The following NCOA2 variants were observed in gnomAD, a reference collection of about 807,000 sequenced individuals.
The protein encoded by NCOA2 is nuclear receptor coactivator 2, also known as class E basic helix-loop-helix protein 75.
In NCOA2, 21 loss-of-function variants were observed where a neutral mutation model predicts 145.1. The ratio of observed to expected loss-of-function variants is 0.14; its 90% confidence interval spans 0.10 to 0.21. The LOEUF (loss-of-function observed/expected upper bound fraction) is 0.21, where lower values mean the gene tolerates loss of function less well. NCOA2 is among the 10% of genes least tolerant of loss of function. The pLI is 1.00. For missense variants in NCOA2, 1,472 were observed against 1,837.6 expected, an observed-to-expected ratio of 0.80 and a Z score of 3.64; for synonymous variants, 619 against 637.5, an observed-to-expected ratio of 0.97 and a Z score of 0.44.
At chr8:70,240,660 T>C (rs764611068) in intron 2 of NCOA2, among the ~76,000 whole-genome samples, 21 of 152,204 alleles carry the variant, frequency 1.4e-4, no homozygotes, top group Non-Finnish European at 2.2e-4. Flanking sequence ...AGGAGTTACA[T>C]TGCTGTTGAC....
At chr8:70,228,573 A>G (rs1193523094) in intron 2 of NCOA2, among the ~76,000 whole-genome samples, 1 of 152,106 alleles carries the variant, frequency 6.6e-6, no homozygotes, top group East Asian at 1.9e-4. Context: ...GGCATTAAAA[A>G]GATTAAGGAA....
At chr8:70,228,741 G>A (rs1030155585) in intron 2 of NCOA2, among the ~76,000 whole-genome samples, 1 of 152,218 alleles carries the variant, frequency 6.6e-6, no homozygotes, top group South Asian at 2.1e-4. Context: ...TAACTAGCAA[G>A]TAATAAGCAT....
At chr8:70,296,917 T>G (rs1262872835) in intron 1 of NCOA2, 117 bp from the exon 2 acceptor site, 2 of 152,250 alleles carry the variant, frequency 1.3e-5, no homozygotes, top group Admixed American at 1.3e-4. Context: ...TTGCCATCAA[T>G]ACACAAGTAA....
At position 70,141,302 on chromosome 8, in the gene NCOA2, A is replaced by G; in HGVS notation, c.2910T>C (p.Ser970=). 1 of 1,613,866 alleles carries G rather than the reference A, an allele frequency of 6.2e-7. No homozygotes were observed. The highest frequency in any genetic ancestry group is 8.5e-7 in the Non-Finnish European group (1 of 1,179,852). ...AVRVTCAATT[S]AMNRPVQGGM... is the part of the protein sequence containing the mutation. ...CTCCTTGGACTGGCCGGTTCATGGCACTGGTGGTAGCAGCACAGGTGACTC... is the reference window on the plus strand; with the variant it reads ...CTCCTTGGACTGGCCGGTTCATGGCGCTGGTGGTAGCAGCACAGGTGACTC... Residue 970 remains serine (S), a synonymous_variant, in exon 14 of 23, where the codon AGT becomes AGC. Transcript: ENST00000452400.
intron 9 of NCOA2, among the ~76,000 whole-genome samples, chr8:70,160,659 C>CAGAGAGAGAGAGAGAG (rs776025101): frequency 0.084 from 11,048 of 131,960 alleles, 699 homozygotes; most frequent in East Asian, 0.23. Flanking sequence ...AAGTGAGAGA[C>CAGAGAGAGAGAGAGAG]AGAGAGAGAG....
At chr8:70,256,077 C>T (rs1378804243) in intron 2 of NCOA2, among the ~76,000 whole-genome samples, 2 of 152,200 alleles carry the variant, frequency 1.3e-5, no homozygotes, top group East Asian at 3.8e-4. Flanking sequence ...AATTAACGAA[C>T]TGAGAGACAC....
chr8:70,328,635 A>G (rs1806803938), intron 1 of NCOA2, among the ~76,000 whole-genome samples: 1 of 152,220 alleles, frequency 6.6e-6, no homozygotes, highest in African/African-American at 2.4e-5. Context: ...AAAAAAACTC[A>G]GCAAGGTTCA....
chr8:70,287,826 C>T (rs1826349109), intron 2 of NCOA2, among the ~76,000 whole-genome samples: 1 of 152,156 alleles, frequency 6.6e-6, no homozygotes, highest in Admixed American at 6.5e-5. Context: ...AAATGGCATA[C>T]ACAGCATTAA....
chr8:70,393,158 C>G (rs902143368), intron 1 of NCOA2, among the ~76,000 whole-genome samples: 8 of 152,144 alleles, frequency 5.3e-5, no homozygotes, highest in African/African-American at 1.9e-4. Context: ...TTAGGACTAC[C>G]TACTCTTTAT....
intron 1 of NCOA2, among the ~76,000 whole-genome samples, chr8:70,331,154 T>A (rs185527734): frequency 9.8e-5 from 15 of 152,328 alleles, no homozygotes; most frequent in Admixed American, 9.2e-4. Flanking sequence ...ATGATATTTT[T>A]AAGATATTCT....
intron 1 of NCOA2, among the ~76,000 whole-genome samples, chr8:70,378,125 T>C (rs571391052): frequency 6.6e-6 from 1 of 152,192 alleles, no homozygotes; most frequent in African/African-American, 2.4e-5. Flanking sequence ...AGATACCGCT[T>C]ACACAGCATA....
intron 2 of NCOA2, among the ~76,000 whole-genome samples, chr8:70,243,556 G>C (rs1158467292): frequency 6.6e-6 from 1 of 151,648 alleles, no homozygotes; most frequent in African/African-American, 2.4e-5. Flanking sequence ...CAAAAGTCTT[G>C]GCTCATTCAA....
intron 1 of NCOA2, among the ~76,000 whole-genome samples, chr8:70,316,224 C>A (rs998095810): frequency 8.5e-5 from 13 of 152,156 alleles, no homozygotes; most frequent in Admixed American, 3.9e-4. Flanking sequence ...CCTCTCGAGT[C>A]AAAGCACCAT....
At chr8:70,435,307 C>T in the NCOA2 span, among the ~76,000 whole-genome samples, 74 of 149,622 alleles carry the variant, frequency 4.9e-4, no homozygotes, top group Middle Eastern at 3.5e-3. Flanking sequence ...CGCCTGTAAT[C>T]CCAGCTACTC....
chr8:70,297,422 C>G (rs1337394430), intron 1 of NCOA2, among the ~76,000 whole-genome samples: 1 of 152,222 alleles, frequency 6.6e-6, no homozygotes, highest in African/African-American at 2.4e-5. Flanking sequence ...CAACCTCAAA[C>G]TCGTAGGCTC....
chr8:70,214,302 C>T (rs1044625659), intron 3 of NCOA2, among the ~76,000 whole-genome samples: 2 of 152,118 alleles, frequency 1.3e-5, no homozygotes, highest in African/African-American at 2.4e-5. Context: ...ATGTGTTTGG[C>T]GTCTCCCACT....
chr8:70,423,606 C>G, the NCOA2 span, among the ~76,000 whole-genome samples: 29 of 152,088 alleles, frequency 1.9e-4, no homozygotes, highest in Non-Finnish European at 4.0e-4. Context: ...TTTTGGAGGT[C>G]TCGCCCTAAT....
chr8:70,229,661 T>C (rs1275406159), intron 2 of NCOA2, among the ~76,000 whole-genome samples: 3 of 152,174 alleles, frequency 2.0e-5, no homozygotes, highest in Admixed American at 6.5e-5. Context: ...GGCCCTGGAC[T>C]GAGTGCTGAC....
intron 4 of NCOA2, among the ~76,000 whole-genome samples, chr8:70,177,093 C>T (rs1259145109): frequency 3.3e-5 from 5 of 152,230 alleles, no homozygotes; most frequent in Non-Finnish European, 7.3e-5. Context: ...TTTCCTTCGC[C>T]TAACTATTCA....
Sources: allele counts gnomAD v4.1 joint callset (sites outside exome capture counted in the v4.1 genomes callset), GRCh38; gene constraint gnomAD v4.1.1; transcripts MANE v1.5; gene names NCBI Gene and HGNC (gene_info 2026-07-23, HGNC 2026-07-21).